Variants in DOCK4 observed in about 807,000 individuals in gnomAD.
DOCK4 encodes dedicator of cytokinesis 4, also known as dedicator of cytokinesis protein 4.
Under a neutral mutation model 268.1 loss-of-function variants are expected in DOCK4, and 97 were observed. That is an observed-to-expected ratio of 0.36 (90% CI 0.31 to 0.43). The LOEUF is 0.43. DOCK4 is among the 20% of genes least tolerant of loss of function. DOCK4 has a pLI of 1.00. For synonymous variants in DOCK4, 954 were observed against 887.2 expected (o/e 1.08, Z -1.34); for missense variants, 2,145 against 2,455.7 (o/e 0.87, Z 2.67).
At chr7:111,977,053 ATATCT>A (rs1798258489) in intron 8 of DOCK4, 74 bp downstream of exon 8, 1 of 1,504,404 alleles carries the variant, frequency 6.6e-7, no homozygotes, top group Middle Eastern at 1.7e-4. Context: ...TACAAGATAT[ATATCT>A]TACAGCTTGC....
At chr7:112,031,049 G>A (rs1185695991) in intron 1 of DOCK4, among the ~76,000 whole-genome samples, 2 of 152,164 alleles carry the variant, frequency 1.3e-5, no homozygotes, top group Admixed American at 1.3e-4. Flanking sequence ...CCAGAACAGG[G>A]CAGAGGGAAA....
chr7:111,944,202 A>G (rs1435242766), intron 10 of DOCK4, among the ~76,000 whole-genome samples: 2 of 152,236 alleles, frequency 1.3e-5, no homozygotes. Flanking sequence ...AATAAGTGCT[A>G]CATTATATAA....
intron 6 of DOCK4, among the ~76,000 whole-genome samples, chr7:111,986,626 A>G (rs1799074078): frequency 6.6e-6 from 1 of 152,178 alleles, no homozygotes; most frequent in Non-Finnish European, 1.5e-5. Flanking sequence ...TGTGACACCA[A>G]GAAGAAAGGA....
At chr7:111,853,936 G>T (rs1388449162) in intron 23 of DOCK4, among the ~76,000 whole-genome samples, 1 of 148,466 alleles carries the variant, frequency 6.7e-6, no homozygotes, top group Non-Finnish European at 1.5e-5. Flanking sequence ...GTTGTTGTTT[G>T]GTTTTTTTTT....
At chr7:112,053,036 T>C (rs893346644) in intron 1 of DOCK4, among the ~76,000 whole-genome samples, 8 of 152,180 alleles carry the variant, frequency 5.3e-5, no homozygotes, top group Non-Finnish European at 1.2e-4. Context: ...TTACCCAGTG[T>C]TTATTCATTC....
intron 1 of DOCK4, among the ~76,000 whole-genome samples, chr7:112,185,447 G>A (rs1048070235): frequency 1.3e-5 from 2 of 152,062 alleles, no homozygotes; most frequent in African/African-American, 4.8e-5. Flanking sequence ...GAGTTAAAAG[G>A]ATCAAACAGG....
chr7:111,789,038 C>CT, intron 31 of DOCK4: 1 of 416,850 alleles, frequency 2.4e-6, no homozygotes. Flanking sequence ...CGTTTGAATT[C>CT]TTTTTTAGGA....
chr7:112,038,102 T>C (rs1382581149), intron 1 of DOCK4, among the ~76,000 whole-genome samples: 3 of 152,252 alleles, frequency 2.0e-5, no homozygotes, highest in Non-Finnish European at 2.9e-5. Flanking sequence ...CCTGTCTACC[T>C]ATCCATTCAT....
intron 26 of DOCK4, among the ~76,000 whole-genome samples, chr7:111,831,247 C>G (rs542737480): frequency 1.6e-4 from 25 of 152,270 alleles, no homozygotes; most frequent in African/African-American, 6.0e-4. Flanking sequence ...CAACACCCAG[C>G]CAATTGTCAA....
intron 26 of DOCK4, among the ~76,000 whole-genome samples, chr7:111,828,158 A>C (rs1029486131): frequency 2.0e-5 from 3 of 152,212 alleles, no homozygotes; most frequent in Non-Finnish European, 4.4e-5. Context: ...ATCACTACCT[A>C]GTGTTTACTT....
intron 40 of DOCK4, among the ~76,000 whole-genome samples, chr7:111,759,712 C>T (rs962033886): frequency 7.0e-6 from 1 of 143,098 alleles, no homozygotes; most frequent in African/African-American, 2.6e-5. Flanking sequence ...TTCAGGATGC[C>T]ATAGCTAAAA....
chr7:111,808,786 G>A (rs1800859122), intron 30 of DOCK4, 35 bp downstream of exon 30: 1 of 1,601,100 alleles, frequency 6.2e-7, no homozygotes, highest in South Asian at 1.1e-5. Context: ...GCGAGGAGCT[G>A]TATAGTAGAT....
intron 13 of DOCK4, among the ~76,000 whole-genome samples, chr7:111,913,408 A>AT (rs560484859): frequency 0.02 from 2,696 of 132,572 alleles, 32 homozygotes; most frequent in Middle Eastern, 0.024. Context: ...CATCTTTACA[A>AT]TTTTTTTTTT....
chr7:111,890,889 C>T (rs1808232797), intron 16 of DOCK4, among the ~76,000 whole-genome samples: 1 of 152,126 alleles, frequency 6.6e-6, no homozygotes, highest in Non-Finnish European at 1.5e-5. Context: ...TACTACAAAC[C>T]AGAGCTATTC....
chr7:112,062,405 A>T (rs1338986338), intron 1 of DOCK4, among the ~76,000 whole-genome samples: 2 of 152,208 alleles, frequency 1.3e-5, no homozygotes, highest in African/African-American at 4.8e-5. Context: ...TCTCCAGTAA[A>T]AATAAAGCTA....
intron 1 of DOCK4, among the ~76,000 whole-genome samples, chr7:112,205,857 G>C (rs1821360426): frequency 6.6e-6 from 1 of 152,120 alleles, no homozygotes; most frequent in African/African-American, 2.4e-5. Flanking sequence ...CCGGCCGCGC[G>C]CTCCCCCAAG....
At chr7:111,839,691 A>G (rs1251668013) in intron 25 of DOCK4, among the ~76,000 whole-genome samples, 1 of 152,234 alleles carries the variant, frequency 6.6e-6, no homozygotes, top group African/African-American at 2.4e-5. Flanking sequence ...AATGTCATTT[A>G]TTCACTTATG....
intron 13 of DOCK4, among the ~76,000 whole-genome samples, chr7:111,915,118 G>T (rs75817166): frequency 0.017 from 2,568 of 152,110 alleles, 77 homozygotes; most frequent in African/African-American, 0.057. Flanking sequence ...CACATAAAGG[G>T]GTGTGCTTTT....
At chr7:112,038,213 T>C (rs1419744953) in intron 1 of DOCK4, among the ~76,000 whole-genome samples, 1 of 152,204 alleles carries the variant, frequency 6.6e-6, no homozygotes, top group Non-Finnish European at 1.5e-5. Flanking sequence ...ACTGTCTTCT[T>C]TTTATTTTTC....
Sources: allele counts gnomAD v4.1 joint callset (sites outside exome capture counted in the v4.1 genomes callset), GRCh38; gene constraint gnomAD v4.1.1; transcripts MANE v1.5; gene names NCBI Gene and HGNC (gene_info 2026-07-23, HGNC 2026-07-21).